SLCO1A2: variants seen among roughly 807,000 people sequenced by gnomAD.
SLCO1A2 encodes the protein solute carrier organic anion transporter family member 1A2.
Under a neutral mutation model 69.0 loss-of-function variants are expected in SLCO1A2, and 67 were observed. That is an observed-to-expected ratio of 0.97 (90% CI 0.80 to 1.19). The LOEUF (loss-of-function observed/expected upper bound fraction) is 1.19, where lower values mean the gene tolerates loss of function less well. SLCO1A2 is among the 50% of genes most tolerant of loss of function. The pLI is 0.00. For synonymous variants in SLCO1A2, 260 were observed against 265.9 expected (o/e 0.98, Z 0.22); for missense variants, 787 against 793.7 (o/e 0.99, Z 0.10).
upstream of SLCO1A2, among the ~76,000 whole-genome samples, chr12:21,396,007 A>G (rs2137173821): frequency 6.6e-6 from 1 of 151,580 alleles, no homozygotes; most frequent in South Asian, 2.1e-4. Context: ...CCAGCAACGG[A>G]ACAAAGCTGG....
intron 1 of SLCO1A2, among the ~76,000 whole-genome samples, chr12:21,409,100 T>C (rs1342787577): frequency 6.6e-6 from 1 of 152,206 alleles, no homozygotes; most frequent in Non-Finnish European, 1.5e-5. Flanking sequence ...TTGCTTCTCA[T>C]CTCAAATTCG....
At chr12:21,338,498 C>T (rs574336375), upstream of SLCO1A2, among the ~76,000 whole-genome samples, 18 of 151,980 alleles carry the variant, frequency 1.2e-4, no homozygotes, top group African/African-American at 3.6e-4. Context: ...CCCTGGCCCC[C>T]ACCCTGCTGC....
intron 4 of SLCO1A2, among the ~76,000 whole-genome samples, chr12:21,312,029 A>G (rs987537172): frequency 1.3e-4 from 19 of 147,342 alleles, no homozygotes; most frequent in East Asian, 1.2e-3. Context: ...GGAGGAGGAG[A>G]AGAAGAAGAG....
chr12:21,397,084 G>C (rs1455398717), upstream of SLCO1A2, among the ~76,000 whole-genome samples: 43 of 151,990 alleles, frequency 2.8e-4, no homozygotes, highest in Admixed American at 2.8e-3. Context: ...TGGCAAATTG[G>C]ATAAAGAGTC....
intron 1 of SLCO1A2, among the ~76,000 whole-genome samples, chr12:21,408,760 G>A (rs911255411): frequency 7.9e-5 from 12 of 151,378 alleles, no homozygotes; most frequent in Admixed American, 2.0e-4. Context: ...ACGTGCTCCC[G>A]CACACACGCA....
At chr12:21,273,505 G>A (rs1943260047) in intron 14 of SLCO1A2, among the ~76,000 whole-genome samples, 1 of 152,084 alleles carries the variant, frequency 6.6e-6, no homozygotes, top group Admixed American at 6.5e-5. Context: ...CCATTTCATT[G>A]ACCAGTCTAA....
intron 12 of SLCO1A2, among the ~76,000 whole-genome samples, chr12:21,291,126 A>G (rs931487949): frequency 6.6e-6 from 1 of 152,174 alleles, no homozygotes; most frequent in Non-Finnish European, 1.5e-5. Flanking sequence ...AGTATTTTAC[A>G]CCCATTGGAT....
intron 6 of SLCO1A2, among the ~76,000 whole-genome samples, chr12:21,301,623 G>A (rs1301085071): frequency 6.6e-6 from 1 of 152,022 alleles, no homozygotes; most frequent in East Asian, 1.9e-4. Flanking sequence ...GCATGTTTTG[G>A]GAGGAATTCT....
intron 2 of SLCO1A2, among the ~76,000 whole-genome samples, chr12:21,330,557 A>C (rs183418327): frequency 1.3e-5 from 2 of 152,186 alleles, no homozygotes; most frequent in African/African-American, 4.8e-5. Flanking sequence ...AACAAAGTTG[A>C]AGGAGAGAGT....
At chr12:21,348,481 A>T (rs576321185) in intron 2 of SLCO1A2, among the ~76,000 whole-genome samples, 76 of 152,308 alleles carry the variant, frequency 5.0e-4, no homozygotes, top group African/African-American at 1.8e-3. Flanking sequence ...CCCACAAATA[A>T]GTGGAAGAAT....
In SLCO1A2 at chr12:21,354,266, A is replaced by C. The variant is rs374433268; in HGVS notation, c.-62-19557T>G. On this transcript the variant is annotated intron_variant, in intron 2 of 15. Transcript: ENST00000307378. ...TTTTTCCTCTTCTTTCCTGGTGGCT[A>C]CTGAAAAATCAACAAGCATTCAATG... is the stretch of plus-strand genomic sequence containing the variant. Among the ~76,000 whole-genome samples the C allele has an allele frequency of 1.4e-4, 21 of 152,298 alleles. No individual in the cohort carries two copies. The East Asian group carries it at 2.7e-3, about 20-fold the overall frequency.
intron 1 of SLCO1A2, among the ~76,000 whole-genome samples, chr12:21,417,688 T>C (rs1942009449): frequency 6.6e-6 from 1 of 152,098 alleles, no homozygotes; most frequent in African/African-American, 2.4e-5. Flanking sequence ...ATGGAACTAA[T>C]AGACTCGATG....
At chr12:21,387,438 A>G (rs2215732) in intron 1 of SLCO1A2, among the ~76,000 whole-genome samples, 103,687 of 151,912 alleles carry the variant, frequency 0.68, 35,487 homozygotes, top group Middle Eastern at 0.79. Flanking sequence ...TTGGAACTTG[A>G]TGCCCTACAT....
chr12:21,284,939 T>A (rs1178120511), intron 12 of SLCO1A2, among the ~76,000 whole-genome samples: 3 of 69,958 alleles, frequency 4.3e-5, no homozygotes, highest in East Asian at 3.5e-4. Context: ...ACATCACAAT[T>A]AAAAGAACTA....
At chr12:21,299,497 T>G (rs1372013538) in intron 8 of SLCO1A2, among the ~76,000 whole-genome samples, 1 of 151,658 alleles carries the variant, frequency 6.6e-6, no homozygotes, top group East Asian at 1.9e-4. Context: ...CTTGGAGAAC[T>G]GCTTCTGTTT....
intron 11 of SLCO1A2, among the ~76,000 whole-genome samples, chr12:21,293,370 C>T (rs555082125): frequency 6.6e-6 from 1 of 152,116 alleles, no homozygotes; most frequent in South Asian, 2.1e-4. Context: ...TGAATTGTTA[C>T]ATGTTTCCAG....
chr12:21,400,844 AG>A (rs1460239362), intron 1 of SLCO1A2, among the ~76,000 whole-genome samples: 1 of 125,570 alleles, frequency 8.0e-6, no homozygotes, highest in Non-Finnish European at 1.6e-5. Flanking sequence ...ACATGGACAC[AG>A]GAAGGGGAAT....
intron 2 of SLCO1A2, among the ~76,000 whole-genome samples, chr12:21,326,803 A>G (rs780276329): frequency 2.6e-5 from 4 of 152,200 alleles, no homozygotes; most frequent in Non-Finnish European, 5.9e-5. Flanking sequence ...TCACAAAGAT[A>G]TGGTTTGAAA....
chr12:21,418,659 G>A (rs1386311705), upstream of SLCO1A2, among the ~76,000 whole-genome samples: 1 of 151,988 alleles, frequency 6.6e-6, no homozygotes, highest in Non-Finnish European at 1.5e-5. Context: ...AAACTGCCCC[G>A]TGATTCAATT....
Sources: gnomAD v4.1 joint callset for allele counts (sites outside exome capture counted in the v4.1 genomes callset) on GRCh38, gnomAD v4.1.1 for gene constraint, MANE v1.5 for transcripts, NCBI Gene and HGNC (gene_info 2026-07-23, HGNC 2026-07-21) for gene names.